Variants in NAA15 observed in about 807,000 individuals in gnomAD.
NAA15 encodes the protein N-terminal acetyltransferase.
In NAA15, 34 loss-of-function variants were observed where a neutral mutation model predicts 114.0. The ratio of observed to expected loss-of-function variants is 0.30; its 90% CI spans 0.23 to 0.40. The LOEUF (loss-of-function observed/expected upper bound fraction) is 0.40, where lower values mean the gene tolerates loss of function less well. Among genes scored for constraint, NAA15 ranks in the 10% least tolerant of loss-of-function variants. The pLI is 1.00. For synonymous variants in NAA15, 340 were observed against 338.0 expected (o/e 1.01, Z -0.06); for missense variants, 658 against 1,004.5 (o/e 0.66, Z 4.66).
intron 2 of NAA15, among the ~76,000 whole-genome samples, chr4:139,335,989 C>G (rs1747189168): frequency 1.3e-5 from 2 of 152,088 alleles, no homozygotes; most frequent in Non-Finnish European, 1.5e-5. Context: ...GAACTCCTGA[C>G]CTCAAGTGAT....
intron 3 of NAA15, among the ~76,000 whole-genome samples, chr4:139,337,178 C>T (rs1291039525): frequency 6.6e-6 from 1 of 152,114 alleles, no homozygotes. Flanking sequence ...TTAAAAATAT[C>T]TGTGAAAGCT....
chr4:139,344,393 G>T (rs1747511449), intron 6 of NAA15, 54 bp downstream of exon 6: 20 of 1,462,320 alleles, frequency 1.4e-5, no homozygotes, highest in Non-Finnish European at 1.9e-5. Flanking sequence ...ACAGAGCAAG[G>T]CTGAAAAATC....
chr4:139,374,742 AT>A (rs1209906875), intron 15 of NAA15, among the ~76,000 whole-genome samples: 1 of 152,010 alleles, frequency 6.6e-6, no homozygotes, highest in Admixed American at 6.5e-5. Flanking sequence ...AAACACTTAG[AT>A]TTACCCTGAC....
intron 15 of NAA15, among the ~76,000 whole-genome samples, chr4:139,374,462 A>G (rs1486606228): frequency 6.6e-6 from 1 of 152,198 alleles, no homozygotes; most frequent in East Asian, 1.9e-4. Flanking sequence ...TTGTGTGCTT[A>G]TCTTGGTGTG....
chr4:139,376,737 G>T (rs1330413733), intron 16 of NAA15, among the ~76,000 whole-genome samples: 2 of 152,176 alleles, frequency 1.3e-5, no homozygotes, highest in Non-Finnish European at 2.9e-5. Context: ...ATGGTTCAAA[G>T]AATTGATCAT....
At chr4:139,317,810 T>G (rs1746464596) in intron 1 of NAA15, among the ~76,000 whole-genome samples, 1 of 152,212 alleles carries the variant, frequency 6.6e-6, no homozygotes, top group Non-Finnish European at 1.5e-5. Flanking sequence ...TCAAACTCTC[T>G]TGGAAGTATT....
intron 1 of NAA15, among the ~76,000 whole-genome samples, chr4:139,321,503 G>A (rs1329784060): frequency 2.4e-5 from 3 of 123,028 alleles, no homozygotes; most frequent in African/African-American, 3.2e-5. Flanking sequence ...ACGGAGTCTC[G>A]CTTTGTTGCC....
chr4:139,357,326 G>A (rs963980685), intron 10 of NAA15, 60 bp from the exon 11 acceptor site: 2 of 1,452,570 alleles, frequency 1.4e-6, no homozygotes, highest in Non-Finnish European at 1.9e-6. Flanking sequence ...GGACCATTTT[G>A]GGGGGTGCTC....
chr4:139,345,756 T>G (rs1188619818), intron 6 of NAA15, among the ~76,000 whole-genome samples: 4 of 152,090 alleles, frequency 2.6e-5, no homozygotes, highest in Non-Finnish European at 5.9e-5. Flanking sequence ...TCGTCTCTAC[T>G]AAAAATACAG....
intron 11 of NAA15, 35 bp downstream of exon 11, chr4:139,357,590 A>T: frequency 7.4e-7 from 1 of 1,354,400 alleles, no homozygotes; most frequent in Admixed American, 2.2e-5. Context: ...TTATAAGGTA[A>T]TGAGACTTGT....
In NAA15 at chr4:139,340,538, CAT is replaced by C. The variant is rs891242637; in HGVS notation, c.245-363_245-362del. ...CTATTAATAATATAGTAACTGTTTA[CAT>C]ATATATATATTGACTTTGTGCCAGC... On this transcript the variant is annotated intron_variant, in intron 3 of 19. Transcript: ENST00000296543. Among the ~76,000 whole-genome samples the C allele has an allele frequency of 2.7e-4, 41 of 151,730 alleles. 1 individual carries two copies. The highest frequency in any genetic ancestry group is 3.4e-4 in the Non-Finnish European group (23 of 67,918).
At position 139,386,142 on chromosome 4, in the gene NAA15, T is replaced by C; in HGVS notation, c.2312T>C (p.Met771Thr). 1.3e-6 allele frequency: 2 copies of C among 1,579,758 alleles called. No individual in the cohort carries two copies. The highest frequency in any genetic ancestry group is 1.7e-6 in the Non-Finnish European group (2 of 1,161,572). ...SLPHRLSAAK[M>T]VYYLDPSSQK... is the part of the protein sequence containing the mutation. ...TTTCCCTCTCATTTAGCTGCCAAAA[T>C]GGTATATTACTTAGATCCTTCTAGT... The change falls in exon 19 of 20, where the codon ATG becomes ACG. Residue 771 changes from methionine to threonine, a missense_variant. Around this residue, in one of 6 missense-constraint regions of NAA15, gnomAD observed 275 missense variants for 371.1 expected, o/e 0.74. Coordinates refer to ENST00000296543, the MANE Select transcript of NAA15 (RefSeq NM_057175.5).
intron 6 of NAA15, among the ~76,000 whole-genome samples, chr4:139,348,038 CA>C (rs59533947): frequency 0.025 from 1,577 of 62,766 alleles, 10 homozygotes; most frequent in Middle Eastern, 0.056. Flanking sequence ...GACTCCGTCT[CA>C]AAAAAAAAAA....
chr4:139,346,507 A>G (rs1280874439), intron 6 of NAA15, among the ~76,000 whole-genome samples: 1 of 152,072 alleles, frequency 6.6e-6, no homozygotes, highest in Non-Finnish European at 1.5e-5. Flanking sequence ...AAGATCACTC[A>G]GGAACTTCTT....
chr4:139,302,186 G>C (rs1460457947), intron 1 of NAA15: 1 of 257,626 alleles, frequency 3.9e-6, no homozygotes, highest in Non-Finnish European at 7.4e-6. Flanking sequence ...GGCCCGGTTG[G>C]TGTGGGAACC....
At chr4:139,317,438 A>G (rs1746448625) in intron 1 of NAA15, among the ~76,000 whole-genome samples, 1 of 152,188 alleles carries the variant, frequency 6.6e-6, no homozygotes, top group African/African-American at 2.4e-5. Flanking sequence ...CCTGGCCAAC[A>G]TGGTGAAACC....
At position 139,343,643 on chromosome 4, in the gene NAA15, T is replaced by C. The variant is rs78561616; in HGVS notation, c.538-543T>C. ...TTGGCAGGAAACCATATAAATGATATTGGGTCCTTCTGCGTTCATTACATC... is the reference window on the plus strand; with the variant it reads ...TTGGCAGGAAACCATATAAATGATACTGGGTCCTTCTGCGTTCATTACATC... On this transcript the variant is annotated intron_variant, in intron 5 of 19. Transcript: ENST00000296543. Among the ~76,000 whole-genome samples the C allele has an allele frequency of 8.7e-3, 1,320 of 152,362 alleles. 7 individuals are homozygous for C. The highest frequency in any genetic ancestry group is 0.013 in the Non-Finnish European group (888 of 68,034).
rs945753306 is a variant in NAA15, at chr4:139,361,936, A to G, written c.1752A>G (p.Thr584=). 6.3e-7 allele frequency: 1 copy of G among 1,598,266 alleles called. No homozygotes were observed. Among genetic ancestry groups the G allele is most frequent in the Non-Finnish European group, 8.5e-7 (1 of 1,171,488 alleles). Residue 584 remains threonine, a splice_region_variant and synonymous_variant, in exon 14 of 20, where the codon ACA becomes ACG. Coordinates refer to ENST00000296543, the MANE Select transcript of NAA15 (RefSeq NM_057175.5). The part of the protein sequence containing the change: ...TDENKEHEAD[T]ANMSDKELKK... ...AGAATAAAGAACACGAAGCTGATAC[A>G]GGTATAATATTCAGAGTTCTTCTTG... is the stretch of plus-strand genomic sequence containing the variant.
chr4:139,379,982 T>G (rs1579138101), intron 17 of NAA15, among the ~76,000 whole-genome samples: 2 of 152,110 alleles, frequency 1.3e-5, no homozygotes, highest in African/African-American at 4.8e-5. Context: ...AAGGCGGAGG[T>G]TGCAGTGAGC....
Sources: gnomAD v4.1 joint callset for allele counts (sites outside exome capture counted in the v4.1 genomes callset) on GRCh38, gnomAD v4.1.1 for gene constraint, gnomAD v4.1.1 regional missense constraint, MANE v1.5 for transcripts, NCBI Gene and HGNC (gene_info 2026-07-23, HGNC 2026-07-21) for gene names.